Variants in SPSB3 observed in about 807,000 individuals in gnomAD.
SPSB3 encodes the protein SPRY domain-containing SOCS box protein 3.
Under a neutral mutation model 29.5 loss-of-function variants are expected in SPSB3, and 18 were observed. The observed-to-expected ratio is 0.61, with a 90% confidence interval of 0.42 to 0.91. SPSB3 has a LOEUF of 0.91. SPSB3 is among the 40% of genes least tolerant of loss of function. The pLI, the probability that SPSB3 is intolerant of heterozygous loss-of-function variation, is 0.00. For synonymous variants in SPSB3, 299 were observed against 214.1 expected (o/e 1.40, Z -3.46); for missense variants, 540 against 507.5 (o/e 1.06, Z -0.61).
chr16:1,781,502 G>C lies in SPSB3; in HGVS notation c.-12-7C>G. 1.9e-6 allele frequency: 3 copies of C among 1,610,328 alleles called. No homozygotes were observed. The highest frequency in any genetic ancestry group is 2.2e-5 in the South Asian group (2 of 90,938). On this transcript the variant is annotated splice_polypyrimidine_tract_variant and splice_region_variant and intron_variant, in intron 1 of 6. Coordinates refer to ENST00000566339, the MANE Select transcript of SPSB3 (RefSeq NM_080861.4). ...TGGCCATGGTGGAAAGAATCTAGAA[G>C]AAAACACAGGCTCTGGGCAAAGGAA... is the stretch of plus-strand genomic sequence containing the variant.
At chr16:1,778,640 C>T in intron 2 of SPSB3, 28 bp from the exon 3 acceptor site, 2 of 1,525,546 alleles carry the variant, frequency 1.3e-6, no homozygotes, top group Non-Finnish European at 1.8e-6. Flanking sequence ...GCTGTTACTA[C>T]CTGTTGCCCG....
rs1206193699 is a variant in SPSB3, at chr16:1,776,799, G to A, written c.*298C>T. 5 of 490,070 alleles carry A rather than the reference G, an allele frequency of 1.0e-5. No individual in the cohort carries two copies. Among genetic ancestry groups the A allele is most frequent in the African/African-American group, 1.9e-5 (1 of 51,450 alleles). The allele number at this position is 490,070 out of a possible 1,614,324, so 30.4% of individuals were successfully genotyped here. Reference sequence around the variant, plus strand: ...CGCTGACAGCATGCAGAGCAAGTTAGGAAAAACCGAGGCCCTGTGGGAACA... The same window carrying A: ...CGCTGACAGCATGCAGAGCAAGTTAAGAAAAACCGAGGCCCTGTGGGAACA... On this transcript the variant is annotated 3_prime_UTR_variant, in exon 7 of 7. Transcript: ENST00000566339.
At position 1,778,424 on chromosome 16, in the gene SPSB3, C is replaced by A. The variant is rs367742723; in HGVS notation, c.304+11G>T. The A allele has an allele frequency of 6.2e-7, 1 of 1,606,948 alleles. No individual in the cohort carries two copies. The highest frequency in any genetic ancestry group is 8.5e-7 in the Non-Finnish European group (1 of 1,176,926). On this transcript the variant is annotated intron_variant, in intron 3 of 6. Transcript: ENST00000566339. The stretch of plus-strand genomic sequence containing the variant: ...AGTGCAGTCCCAGCAGGGGCTGGGC[C>A]CCACGCTCACACTCGTCTTCCTCTC...
rs1469161107 is a variant in SPSB3, at chr16:1,776,927, G to C, written c.*170C>G. ...CCAGCACAGCAGCAGAGGGGCCCTA[G>C]AGCCCCCACAGAAAGGACTGTCCCA... On this transcript the variant is annotated 3_prime_UTR_variant, in exon 7 of 7. Transcript: ENST00000566339. The C allele has an allele frequency of 2.7e-6, 2 of 753,196 alleles. No homozygotes were observed. The highest frequency in any genetic ancestry group is 4.2e-6 in the Non-Finnish European group (2 of 477,716). The allele number at this position is 753,196 out of a possible 1,614,324, so 46.7% of individuals were successfully genotyped here.
At position 1,777,265 on chromosome 16, in the gene SPSB3, C is replaced by G. The variant is rs558488725; in HGVS notation, c.900G>C (p.Pro300=). The G allele has an allele frequency of 6.2e-7, 1 of 1,610,472 alleles. No homozygotes were observed. Among genetic ancestry groups the G allele is most frequent in the African/African-American group, 1.3e-5 (1 of 75,064 alleles). Residue 300 remains proline (P), a synonymous_variant, in exon 7 of 7, where the codon CCG becomes CCC. Transcript: ENST00000566339. ...GCACCTGCTTGAGGCCCGGCGGCAGCGGCAGACCCTCCAGCGTGTCTCCCG... is the reference window on the plus strand; with the variant it reads ...GCACCTGCTTGAGGCCCGGCGGCAGGGGCAGACCCTCCAGCGTGTCTCCCG... The part of the protein sequence containing the change: ...PDSGDTLEGL[P]LPPGLKQVLH...
Position 1,777,781 on chromosome 16 carries a change from G to A in SPSB3, c.687C>T (p.Gly229=), listed in dbSNP as rs2042735810. 1 of 1,612,828 alleles carries A rather than the reference G, an allele frequency of 6.2e-7. No individual in the cohort carries two copies. The highest frequency in any genetic ancestry group is 8.5e-7 in the Non-Finnish European group (1 of 1,179,934). ...TCCTGTTCTTGAAAAAGGTGAGTGT[G>A]CCGTGCCAGGTGTCCAGGTGCACGC... is the stretch of plus-strand genomic sequence containing the variant. ...IIGVHLDTWH[G]TLTFFKNRKC... Residue 229 remains glycine (G), a synonymous_variant, in exon 6 of 7, where the codon GGC becomes GGT. Transcript: ENST00000566339.
At position 1,777,172 on chromosome 16, in the gene SPSB3, G is replaced by A. The variant is rs887789110; in HGVS notation, c.993C>T (p.Pro331=). ...CSRRKAPVSD[P]QAATSAHPSS... ...TGGGGTGGGCGGAGGTCGCTGCCTG[G>A]GGATCGGACACTGGAGCCTTGCGGC... is the stretch of plus-strand genomic sequence containing the variant. Residue 331 remains proline, a synonymous_variant, in exon 7 of 7, where the codon CCC becomes CCT. Coordinates refer to ENST00000566339, the MANE Select transcript of SPSB3 (RefSeq NM_080861.4). The A allele has an allele frequency of 6.2e-7, 1 of 1,610,992 alleles. No homozygotes were observed. The highest frequency in any genetic ancestry group is 1.1e-5 in the South Asian group (1 of 91,078).
At chr16:1,781,302 C>G in intron 2 of SPSB3, 56 bp downstream of exon 2, 1 of 1,612,632 alleles carries the variant, frequency 6.2e-7, no homozygotes, top group Non-Finnish European at 8.5e-7. Flanking sequence ...GCCTGCCTGC[C>G]TAGGGCATCT....
chr16:1,779,363 G>C (rs996484973), intron 2 of SPSB3: 1 of 152,716 alleles, frequency 6.5e-6, no homozygotes, highest in Non-Finnish European at 1.5e-5. Context: ...AGAGTGCTAA[G>C]TGGTGGCGGG....
chr16:1,781,606 G>C, intron 1 of SPSB3, 111 bp from the exon 2 acceptor site: 1 of 1,204,744 alleles, frequency 8.3e-7, no homozygotes, highest in South Asian at 1.5e-5. Context: ...GGGCCGCACC[G>C]GTGCCCAGCC....
rs762327122 is a variant in SPSB3, at chr16:1,781,158, CTG to C, written c.126+198_126+199del. The C allele has an allele frequency of 7.9e-6, 12 of 1,527,624 alleles. No individual in the cohort carries two copies. In the African/African-American group the frequency reaches 1.5e-4, roughly 19 times the overall value. The allele number at this position is 1,527,624 out of a possible 1,614,324, so 94.6% of individuals were successfully genotyped here. On this transcript the variant is annotated intron_variant, in intron 2 of 6. Transcript: ENST00000566339. The stretch of plus-strand genomic sequence containing the variant: ...TTCTGAGGTCCTGTCACCCCTGAGG[CTG>C]TGTGTGTCCTTTGCCAAATTAAAGA...
chr16:1,781,141 T>G (rs1322927870), intron 2 of SPSB3: 1 of 1,509,968 alleles, frequency 6.6e-7, no homozygotes, highest in Non-Finnish European at 8.9e-7. Context: ...TGTTCTGAGG[T>G]CCTGTCACCC....
chr16:1,777,486 G>T, intron 6 of SPSB3, 43 bp from the exon 7 acceptor site: 1 of 1,453,770 alleles, frequency 6.9e-7, no homozygotes, highest in Non-Finnish European at 9.1e-7. Context: ...CAGGGAAGGG[G>T]CCAGCTACTG....
rs2042730319 is a variant in SPSB3, at chr16:1,777,400, C to T, written c.765G>A (p.Met255Ile). 1.9e-6 allele frequency: 3 copies of T among 1,579,538 alleles called. No individual in the cohort carries two copies. The highest frequency in any genetic ancestry group is 2.6e-6 in the Non-Finnish European group (3 of 1,165,562). The change falls in exon 7 of 7, where the codon ATG (methionine) becomes ATA (isoleucine). Residue 255 changes from methionine to isoleucine, a missense_variant. Coordinates refer to ENST00000566339, the MANE Select transcript of SPSB3 (RefSeq NM_080861.4). ...TGCTCCGGGCCGCCGTGGAGCACAC[C>T]ATCGGGTAGAATCTCTTGTTCTGCA... is the stretch of plus-strand genomic sequence containing the variant. Reference protein sequence around the residue: ...TKLQNKRFYPMVCSTAARSSM... With the variant: ...TKLQNKRFYPIVCSTAARSSM...
At position 1,777,063 on chromosome 16, in the gene SPSB3, C is replaced by G. The variant is rs200577189; in HGVS notation, c.*34G>C. ...GAAGGGACAGAGGAAAGGGGCTGTC[C>G]CAGCCCAAGAAGGCAGTTCCACTGG... On this transcript the variant is annotated 3_prime_UTR_variant, in exon 7 of 7. Transcript: ENST00000566339. 1.5e-4 allele frequency: 239 copies of G among 1,592,670 alleles called. No homozygotes were observed. In the African/African-American group the frequency reaches 2.8e-3, roughly 19 times the overall value.
intron 2 of SPSB3, 44 bp downstream of exon 2, chr16:1,781,314 C>G (rs370556158): frequency 2.1e-4 from 338 of 1,612,794 alleles, no homozygotes; most frequent in Middle Eastern, 3.3e-4. Flanking sequence ...AGGGCATCTC[C>G]ACACCTTAGG....
rs556324697 is a variant in SPSB3 at position 1,776,929 on chromosome 16, G to C, written c.*168C>G. The C allele has an allele frequency of 2.6e-6, 2 of 760,852 alleles. No homozygotes were observed. The highest frequency in any genetic ancestry group is 1.8e-5 in the African/African-American group (1 of 56,926). 47.1% of individuals were successfully genotyped at this position (760,852 alleles called of 1,614,324 possible). On this transcript the variant is annotated 3_prime_UTR_variant, in exon 7 of 7. Coordinates refer to ENST00000566339, the MANE Select transcript of SPSB3 (RefSeq NM_080861.4). ...AGCACAGCAGCAGAGGGGCCCTAGA[G>C]CCCCCACAGAAAGGACTGTCCCAGC...
Position 1,777,542 on chromosome 16 carries a change from C to T in SPSB3, c.722-99G>A, listed in dbSNP as rs1050493022. 1.1e-5 allele frequency: 15 copies of T among 1,371,102 alleles called. No homozygotes were observed. The Admixed American group carries it at 2.2e-4, about 20-fold the overall frequency. The allele number at this position is 1,371,102 out of a possible 1,614,324, so 84.9% of individuals were successfully genotyped here. On this transcript the variant is annotated intron_variant, in intron 6 of 6. Transcript: ENST00000566339. ...ACGCTACAGTCACCCGGGTGGGCAG[C>T]TGGCACAGCTGAGGCAAGGCAGGGT...
At position 1,781,700 on chromosome 16, in the gene SPSB3, C is replaced by T. The variant is rs892799536; in HGVS notation, c.-12-205G>A. On this transcript the variant is annotated intron_variant, in intron 1 of 6. Coordinates refer to ENST00000566339, the MANE Select transcript of SPSB3 (RefSeq NM_080861.4). Reference sequence around the variant, plus strand: ...AAACCCAGGTAGATCCTGTGAAACGCCACCCAGACACCCATGACTCCGGAA... The same window carrying T: ...AAACCCAGGTAGATCCTGTGAAACGTCACCCAGACACCCATGACTCCGGAA... The T allele has an allele frequency of 1.1e-4, 67 of 583,716 alleles. No homozygotes were observed. The African/African-American group carries it at 1.3e-3, about 11-fold the overall frequency. The allele number at this position is 583,716 out of a possible 1,614,324, so 36.2% of individuals were successfully genotyped here.
Sources: gnomAD v4.1 joint callset for allele counts on GRCh38, gnomAD v4.1.1 for gene constraint, MANE v1.5 for transcripts, NCBI Gene and HGNC (gene_info 2026-07-23, HGNC 2026-07-21) for gene names.